The following PCSK5 variants were observed in gnomAD, a reference collection of about 807,000 sequenced individuals.
PCSK5 encodes proprotein convertase subtilisin/kexin type 5.
PCSK5 carries 129 observed loss-of-function variants against 233.2 expected under a neutral mutation model. The ratio of observed to expected loss-of-function variants is 0.55; its 90% confidence interval spans 0.48 to 0.64. The LOEUF (loss-of-function observed/expected upper bound fraction) is 0.64, where lower values mean the gene tolerates loss of function less well. PCSK5 is among the 30% of genes least tolerant of loss of function. The pLI is 0.00. For synonymous variants in PCSK5, 825 were observed against 879.2 expected (o/e 0.94, Z 1.09); for missense variants, 2,076 against 2,430.1 (o/e 0.85, Z 3.06).
intron 25 of PCSK5, among the ~76,000 whole-genome samples, chr9:76,293,729 T>A (rs10869746): frequency 0.29 from 43,902 of 152,160 alleles, 6,561 homozygotes; most frequent in African/African-American, 0.33. Context: ...TCTTCAGCTC[T>A]CCACTACTCG....
At position 76,282,081 on chromosome 9, in the gene PCSK5, C is replaced by A. The variant is rs541266153; in HGVS notation, c.3143-10152C>A. On this transcript the variant is annotated intron_variant, in intron 24 of 37. Transcript: ENST00000674117. ...TTTTCTTTCTTTTTTTTTTTCCCCA[C>A]TCTGTTGCCCAGGCTGGAGTGCACC... Among the ~76,000 whole-genome samples the A allele has an allele frequency of 2.9e-5, 4 of 137,786 alleles. No homozygotes were observed. The East Asian group carries it at 6.4e-4, about 22-fold the overall frequency. 90.4% of individuals were successfully genotyped at this position (137,786 alleles called of 152,430 possible).
chr9:76,201,194 A>G (rs998632469), intron 20 of PCSK5, among the ~76,000 whole-genome samples: 1 of 152,152 alleles, frequency 6.6e-6, no homozygotes, highest in African/African-American at 2.4e-5. Context: ...TTTTTCTCCT[A>G]AGAGAAGATC....
At chr9:75,940,048 C>T (rs1175084844) in intron 2 of PCSK5, among the ~76,000 whole-genome samples, 1 of 152,172 alleles carries the variant, frequency 6.6e-6, no homozygotes, top group African/African-American at 2.4e-5. Context: ...TTGATTTAGT[C>T]TTATCACTTT....
intron 20 of PCSK5, among the ~76,000 whole-genome samples, chr9:76,204,311 T>C (rs1312120772): frequency 6.6e-6 from 1 of 152,192 alleles, no homozygotes; most frequent in Non-Finnish European, 1.5e-5. Context: ...AATGCAAATC[T>C]AATCACAATG....
chr9:76,008,511 G>T (rs1009990701), intron 3 of PCSK5, among the ~76,000 whole-genome samples: 3 of 151,740 alleles, frequency 2.0e-5, no homozygotes, highest in African/African-American at 7.3e-5. Flanking sequence ...ACCCAGGCTG[G>T]AGTGCAGTGG....
At chr9:76,172,040 C>A (rs535275549) in intron 13 of PCSK5, among the ~76,000 whole-genome samples, 1 of 151,946 alleles carries the variant, frequency 6.6e-6, no homozygotes, top group African/African-American at 2.4e-5. Flanking sequence ...CATCAGTAAG[C>A]GAATAGAAAT....
At chr9:75,978,155 A>AT (rs1357209891) in intron 2 of PCSK5, among the ~76,000 whole-genome samples, 1 of 151,924 alleles carries the variant, frequency 6.6e-6, no homozygotes, top group Non-Finnish European at 1.5e-5. Flanking sequence ...AAAATTTCCT[A>AT]TTTTTTCTTT....
chr9:75,940,305 C>T (rs190957151), intron 2 of PCSK5, among the ~76,000 whole-genome samples: 16 of 152,172 alleles, frequency 1.1e-4, no homozygotes, highest in African/African-American at 3.9e-4. Context: ...ATATTTGAAG[C>T]CTTTTGTTTA....
chr9:76,220,387 C>T (rs537799147), intron 20 of PCSK5, among the ~76,000 whole-genome samples: 2 of 151,802 alleles, frequency 1.3e-5, no homozygotes, highest in Admixed American at 6.6e-5. Context: ...ATCAGCTGGG[C>T]GTGGTGGTGG....
At chr9:76,032,877 C>T (rs1683488128) in intron 5 of PCSK5, among the ~76,000 whole-genome samples, 1 of 152,110 alleles carries the variant, frequency 6.6e-6, no homozygotes, top group South Asian at 2.1e-4. Context: ...GAGTTGAAAC[C>T]ACAGCATTAT....
At chr9:75,932,017 C>T (rs1823828585) in intron 1 of PCSK5, among the ~76,000 whole-genome samples, 1 of 152,160 alleles carries the variant, frequency 6.6e-6, no homozygotes, top group Non-Finnish European at 1.5e-5. Context: ...GTTTTTATAA[C>T]TAGATAGCTA....
chr9:76,179,426 A>AT, intron 14 of PCSK5, among the ~76,000 whole-genome samples, 170 bp from the exon 15 acceptor site: 1 of 152,218 alleles, frequency 6.6e-6, no homozygotes, highest in East Asian at 1.9e-4. Flanking sequence ...AGTCAAAAAA[A>AT]GTCAAGAGCT....
intron 20 of PCSK5, among the ~76,000 whole-genome samples, chr9:76,201,631 G>T (rs1260506296): frequency 1.3e-5 from 2 of 152,202 alleles, no homozygotes; most frequent in Admixed American, 1.3e-4. Context: ...CCACCCAGGA[G>T]TACACACTGT....
chr9:75,983,522 G>C (rs911718107), intron 2 of PCSK5, among the ~76,000 whole-genome samples: 5 of 152,144 alleles, frequency 3.3e-5, no homozygotes, highest in South Asian at 2.1e-4. Context: ...TCTGAGTAGA[G>C]GGAGGGAGTG....
At chr9:76,230,161 G>C (rs571622179) in intron 21 of PCSK5, among the ~76,000 whole-genome samples, 2 of 152,242 alleles carry the variant, frequency 1.3e-5, no homozygotes, top group East Asian at 3.9e-4. Context: ...GCAATATTTT[G>C]GGGGGAGGTT....
In PCSK5 at chr9:76,295,292, A is replaced by G. The variant is rs1191208022; in HGVS notation, c.3203A>G (p.Tyr1068Cys). 6.2e-7 allele frequency: 1 copy of G among 1,611,234 alleles called. No homozygotes were observed. Among genetic ancestry groups the G allele is most frequent in the African/African-American group, 1.3e-5 (1 of 74,902 alleles). Residue 1068 changes from tyrosine (Y) to cysteine (C), a missense_variant, in exon 26 of 38, where the codon TAT becomes TGT. This residue lies in a region of PCSK5 where 1,510 missense variants were observed against 1,538.1 expected (regional missense o/e 0.98). Coordinates refer to ENST00000674117, the MANE Select transcript of PCSK5 (RefSeq NM_001372043.1). ...TCCTCTAGGTTTGATCACCATTGTT[A>G]TAAAACCTGTCCTGAGAAGACCTAC... ...MGYYRFDHHC[Y>C]KTCPEKTYSE...
At chr9:76,024,568 C>T (rs890461168) in intron 4 of PCSK5, among the ~76,000 whole-genome samples, 4 of 152,224 alleles carry the variant, frequency 2.6e-5, no homozygotes, top group African/African-American at 9.6e-5. Context: ...TGTGCCCCAG[C>T]AGAGATGTCT....
At chr9:75,943,991 C>T (rs968879534) in intron 2 of PCSK5, among the ~76,000 whole-genome samples, 9 of 151,682 alleles carry the variant, frequency 5.9e-5, no homozygotes, top group East Asian at 1.9e-4. Context: ...AGTGAGACCC[C>T]GTCTCAACAA....
At chr9:76,220,581 C>A (rs1825697213) in intron 20 of PCSK5, among the ~76,000 whole-genome samples, 1 of 150,702 alleles carries the variant, frequency 6.6e-6, no homozygotes, top group Admixed American at 6.6e-5. Flanking sequence ...ATCCCACCCC[C>A]AAACCCCACC....
Sources: gnomAD v4.1 joint callset for allele counts (sites outside exome capture counted in the v4.1 genomes callset) on GRCh38, gnomAD v4.1.1 for gene constraint, gnomAD v4.1.1 regional missense constraint, MANE v1.5 for transcripts, NCBI Gene and HGNC (gene_info 2026-07-23, HGNC 2026-07-21) for gene names.